EPC2: variants seen among roughly 807,000 people sequenced by gnomAD.
The protein encoded by EPC2 is enhancer of polycomb homolog 2.
EPC2 carries 14 observed loss-of-function variants against 92.1 expected under a neutral mutation model. That is an observed-to-expected ratio of 0.15 (90% CI 0.10 to 0.24). The LOEUF (loss-of-function observed/expected upper bound fraction) is 0.24. Among genes scored for constraint, EPC2 ranks in the 10% least tolerant of loss-of-function variants. The probability of loss-of-function intolerance (pLI) is 1.00; values close to 1 mark genes in which losing one functional copy is unlikely to be tolerated. For missense variants in EPC2, 755 were observed against 971.5 expected (o/e 0.78, Z 2.96); for synonymous variants, 340 against 334.7 (o/e 1.02, Z -0.17).
chr2:148,773,214 T>C (rs1236783014), intron 10 of EPC2, among the ~76,000 whole-genome samples: 2 of 152,104 alleles, frequency 1.3e-5, no homozygotes, highest in African/African-American at 4.8e-5. Context: ...TATAATCACC[T>C]CTATAATCCT....
intron 10 of EPC2, among the ~76,000 whole-genome samples, chr2:148,776,854 CTCTTT>C (rs1191681860): frequency 1.9e-4 from 17 of 90,072 alleles, no homozygotes; most frequent in African/African-American, 6.2e-4. Flanking sequence ...CTGTCTCTCT[CTCTTT>C]TTTTTTTTTT....
intron 4 of EPC2, among the ~76,000 whole-genome samples, chr2:148,756,102 C>A (rs1214700976): frequency 6.6e-6 from 1 of 152,140 alleles, no homozygotes; most frequent in African/African-American, 2.4e-5. Flanking sequence ...TTTGTTCTAA[C>A]CATTAGAGAA....
In EPC2 at chr2:148,691,754, T is replaced by C; in HGVS notation, c.313+1381T>C. 2 of 886,270 alleles carry C rather than the reference T, an allele frequency of 2.3e-6. 1 individual carries two copies. The highest frequency in any genetic ancestry group is 2.8e-5 in the South Asian group (2 of 70,352). 54.9% of individuals were successfully genotyped at this position (886,270 alleles called of 1,614,324 possible). A position where few individuals can be genotyped will look rare whatever the true frequency, so the allele number is the denominator to read the frequency against. ...CTCAAGGTTCAGTTCTCAGGAAGAT[T>C]TTTTGCTTCTCCTTTCTACCTAAGG... is the stretch of plus-strand genomic sequence containing the variant. On this transcript the variant is annotated intron_variant, in intron 2 of 13. Transcript: ENST00000258484.
In EPC2 at chr2:148,753,951, C is replaced by G; in HGVS notation, c.484C>G (p.Leu162Val). The G allele has an allele frequency of 6.2e-7, 1 of 1,611,232 alleles. No individual in the cohort carries two copies. The highest frequency in any genetic ancestry group is 1.3e-5 in the African/African-American group (1 of 75,008). ...GCTTGTAACACTTCAAGAAGCAAAA[C>G]TGCTGCTAAACGAAGATGATTACCT... Reference protein sequence around the residue: ...NQLVTLQEAKLLLNEDDYLIK... With the variant: ...NQLVTLQEAKVLLNEDDYLIK... The change falls in exon 4 of 14, where the codon CTG (leucine) becomes GTG (valine). Residue 162 changes from leucine to valine, a missense_variant. Around this residue, in one of 4 missense-constraint regions of EPC2, gnomAD observed 509 missense variants for 607.7 expected, o/e 0.84. Transcript: ENST00000258484.
intron 2 of EPC2, among the ~76,000 whole-genome samples, chr2:148,726,765 G>GTTTTTTTT (rs201293391): frequency 3.0e-5 from 3 of 100,584 alleles, no homozygotes; most frequent in Non-Finnish European, 4.0e-5. Context: ...TTTGTTTTTT[G>GTTTTTTTT]TTTTTTTTTT....
chr2:148,644,976 C>T lies in EPC2; in HGVS notation c.-42C>T, dbSNP rs368610338. 2.7e-6 allele frequency: 4 copies of T among 1,494,712 alleles called. No individual in the cohort carries two copies. Among genetic ancestry groups the T allele is most frequent in the Non-Finnish European group, 3.6e-6 (4 of 1,110,510 alleles). 92.6% of individuals were successfully genotyped at this position (1,494,712 alleles called of 1,614,324 possible). Reference sequence around the variant, plus strand: ...AGTCCTCCCCCCCTCCCCGCCCGCCCCGCCGCCGCCGCCCGGGCTGTTCCT... The same window carrying T: ...AGTCCTCCCCCCCTCCCCGCCCGCCTCGCCGCCGCCGCCCGGGCTGTTCCT... On this transcript the variant is annotated 5_prime_UTR_variant, in exon 1 of 14. Coordinates refer to ENST00000258484, the MANE Select transcript of EPC2 (RefSeq NM_015630.4).
chr2:148,760,160 G>C (rs1683274696), intron 4 of EPC2, among the ~76,000 whole-genome samples: 1 of 152,176 alleles, frequency 6.6e-6, no homozygotes, highest in South Asian at 2.1e-4. Context: ...GGGAGGCTGA[G>C]GCAGGAGAAT....
At chr2:148,786,245 G>T (rs1448430047) in intron 13 of EPC2, 60 bp from the exon 14 acceptor site, 4 of 1,294,702 alleles carry the variant, frequency 3.1e-6, no homozygotes, top group Admixed American at 4.0e-5. Context: ...AATACTAAAT[G>T]GTAACGTCAT....
At chr2:148,749,677 A>G (rs760423091) in intron 3 of EPC2, among the ~76,000 whole-genome samples, 4 of 151,998 alleles carry the variant, frequency 2.6e-5, no homozygotes, top group Non-Finnish European at 5.9e-5. Context: ...GTTGAAATGG[A>G]TATGTTCTTT....
intron 2 of EPC2, among the ~76,000 whole-genome samples, chr2:148,725,711 T>G (rs1378722752): frequency 6.6e-6 from 1 of 152,152 alleles, no homozygotes; most frequent in Non-Finnish European, 1.5e-5. Flanking sequence ...ATTTTTAGAT[T>G]ACAAGCCAAT....
At chr2:148,741,846 C>T (rs1682885254) in intron 2 of EPC2, among the ~76,000 whole-genome samples, 1 of 152,100 alleles carries the variant, frequency 6.6e-6, no homozygotes, top group Non-Finnish European at 1.5e-5. Context: ...TCTGTGAACC[C>T]CTCCTTTTGT....
chr2:148,693,017 TATG>T (rs1464438507), intron 2 of EPC2, among the ~76,000 whole-genome samples: 1 of 152,234 alleles, frequency 6.6e-6, no homozygotes, highest in Non-Finnish European at 1.5e-5. Context: ...CAGATTTTTA[TATG>T]TAGTCATTTA....
chr2:148,784,878 A>G lies in EPC2; in HGVS notation c.2228A>G (p.Asn743Ser). 6.2e-7 allele frequency: 1 copy of G among 1,612,370 alleles called. No individual in the cohort carries two copies. Among genetic ancestry groups the G allele is most frequent in the Non-Finnish European group, 8.5e-7 (1 of 1,179,002 alleles). ...LNNVSVVSPV[N>S]VHINTRTSAP... is the part of the protein sequence containing the mutation. ...AATGTCAGTGTTGTTTCTCCAGTCAATGTGCATATCAATACACGGACTTCA... is the reference window on the plus strand; with the variant it reads ...AATGTCAGTGTTGTTTCTCCAGTCAGTGTGCATATCAATACACGGACTTCA... Residue 743 changes from asparagine (N) to serine (S), a missense_variant, in exon 13 of 14, where the codon AAT becomes AGT. Around this residue, in one of 4 missense-constraint regions of EPC2, gnomAD observed 207 missense variants for 260.5 expected, o/e 0.79. Coordinates refer to ENST00000258484, the MANE Select transcript of EPC2 (RefSeq NM_015630.4).
chr2:148,718,115 T>C (rs565247408), intron 2 of EPC2, among the ~76,000 whole-genome samples: 3 of 149,808 alleles, frequency 2.0e-5, no homozygotes, highest in African/African-American at 7.6e-5. Flanking sequence ...TCAGTCTCTT[T>C]ATTTTGAGTC....
At chr2:148,733,479 ATTTTTTTTTTTTTTTTTT>A (rs34219179) in intron 2 of EPC2, among the ~76,000 whole-genome samples, 62 of 26,676 alleles carry the variant, frequency 2.3e-3, no homozygotes, top group African/African-American at 4.5e-3. Flanking sequence ...CTCTCTCTGG[ATTTTTTTTTTTTTTTTTT>A]TTTTTTTTTT....
At chr2:148,762,580 G>A (rs1370403985) in intron 5 of EPC2, 90 bp from the exon 6 acceptor site, 6 of 894,982 alleles carry the variant, frequency 6.7e-6, no homozygotes, top group Non-Finnish European at 9.6e-6. Flanking sequence ...TTTTGACTAG[G>A]TGACTTCCAA....
intron 2 of EPC2, among the ~76,000 whole-genome samples, chr2:148,722,945 C>G (rs1336531431): frequency 6.6e-6 from 1 of 152,152 alleles, no homozygotes; most frequent in Non-Finnish European, 1.5e-5. Context: ...TGCATGTTCT[C>G]ACTTATAAGT....
At chr2:148,650,110 T>C (rs758707372) in intron 1 of EPC2, among the ~76,000 whole-genome samples, 1 of 152,188 alleles carries the variant, frequency 6.6e-6, no homozygotes, top group Non-Finnish European at 1.5e-5. Context: ...ATATAATGTC[T>C]CTAAGGGCAA....
At chr2:148,774,114 C>G (rs1264171510) in intron 10 of EPC2, among the ~76,000 whole-genome samples, 1 of 152,074 alleles carries the variant, frequency 6.6e-6, no homozygotes, top group African/African-American at 2.4e-5. Context: ...ACTGAATTGT[C>G]CATTTCACAG....
Sources: allele counts gnomAD v4.1 joint callset (sites outside exome capture counted in the v4.1 genomes callset), GRCh38; gene constraint gnomAD v4.1.1; regional missense constraint gnomAD v4.1.1; transcripts MANE v1.5; gene names NCBI Gene and HGNC (gene_info 2026-07-23, HGNC 2026-07-21).